CWC22: variants seen among roughly 807,000 people sequenced by gnomAD.
The protein encoded by CWC22 is CWC22 spliceosome associated protein.
CWC22 carries 53 observed loss-of-function variants against 117.2 expected under a neutral mutation model. The observed-to-expected ratio is 0.45, with a 90% CI of 0.36 to 0.57. CWC22 has a LOEUF of 0.57. Ranked by LOEUF, CWC22 falls within the 20% of genes least tolerant of loss-of-function variation. The pLI is 0.00. For synonymous variants in CWC22, 360 were observed against 355.6 expected (o/e 1.01, Z -0.14); for missense variants, 980 against 1,068.8 (o/e 0.92, Z 1.16).
At chr2:180,005,448 G>C (rs946632136) in intron 1 of CWC22, among the ~76,000 whole-genome samples, 101 of 152,082 alleles carry the variant, frequency 6.6e-4, no homozygotes, top group African/African-American at 2.0e-3. Flanking sequence ...GTGGTGGCGG[G>C]CACCTTAGTC....
At chr2:180,001,287 T>C (rs767945899) in intron 1 of CWC22, among the ~76,000 whole-genome samples, 1 of 152,120 alleles carries the variant, frequency 6.6e-6, no homozygotes, top group Non-Finnish European at 1.5e-5. Flanking sequence ...CACAGCTATT[T>C]TGTGATATGT....
chr2:179,977,222 T>C (rs961552006), intron 6 of CWC22, among the ~76,000 whole-genome samples: 5 of 152,146 alleles, frequency 3.3e-5, no homozygotes, highest in African/African-American at 7.2e-5. Context: ...AATCCCACTA[T>C]TGGGTATATA....
chr2:179,984,211 C>T (rs1303418628), intron 4 of CWC22, among the ~76,000 whole-genome samples: 2 of 152,096 alleles, frequency 1.3e-5, no homozygotes, highest in African/African-American at 4.8e-5. Context: ...GTTTCAACAT[C>T]TACCAGATGT....
rs1559288848 is a variant in CWC22, at chr2:179,965,885, A to ATCTTCTTCTCCCTCTTCC, written c.1290_1307dup (p.Glu430_Glu435dup). 1 of 1,515,634 alleles carries ATCTTCTTCTCCCTCTTCC rather than the reference A, an allele frequency of 6.6e-7. No homozygotes were observed. Among genetic ancestry groups the ATCTTCTTCTCCCTCTTCC allele is most frequent in the Non-Finnish European group, 9.2e-7 (1 of 1,091,274 alleles). 93.9% of individuals were successfully genotyped at this position (1,515,634 alleles called of 1,614,324 possible). A position where few individuals can be genotyped will look rare whatever the true frequency, so the allele number is the denominator to read the frequency against. ...AATATGCTACATGTTTACCTTCTTCATCTTCTTCTCCCTCTTCCTCTTCTT... is the reference window on the plus strand; with the variant it reads ...AATATGCTACATGTTTACCTTCTTCATCTTCTTCTCCCTCTTCCTCTTCTTCTCCCTCTTCCTCTTCTT... On this transcript the variant is annotated inframe_insertion, in exon 12 of 20. Transcript: ENST00000410053.
chr2:179,982,842 C>T (rs894435555), intron 4 of CWC22, among the ~76,000 whole-genome samples: 1 of 152,140 alleles, frequency 6.6e-6, no homozygotes, highest in African/African-American at 2.4e-5. Flanking sequence ...ATCCACTGAG[C>T]TGCTTTTTAC....
chr2:179,955,059 A>G (rs1013872178), intron 14 of CWC22, 25 bp from the exon 15 acceptor site: 3 of 1,465,456 alleles, frequency 2.0e-6, no homozygotes, highest in African/African-American at 2.8e-5. Flanking sequence ...AAATACATTA[A>G]TGATTCAAAA....
chr2:179,995,944 G>A (rs867246772), intron 1 of CWC22, among the ~76,000 whole-genome samples: 9 of 152,292 alleles, frequency 5.9e-5, no homozygotes, highest in East Asian at 1.9e-4. Flanking sequence ...AGTCAGTGGA[G>A]GGGAACCCCA....
At chr2:179,950,795 C>G (rs1686427524) in intron 18 of CWC22, 30 bp downstream of exon 18, 1 of 1,600,014 alleles carries the variant, frequency 6.2e-7, no homozygotes, top group Non-Finnish European at 8.6e-7. Flanking sequence ...ATTTTATAAT[C>G]TGAACATAAA....
At chr2:179,996,349 A>G (rs1264208699) in intron 1 of CWC22, among the ~76,000 whole-genome samples, 1 of 152,176 alleles carries the variant, frequency 6.6e-6, no homozygotes, top group African/African-American at 2.4e-5. Context: ...ATTTCAGCCA[A>G]GAGAAACGAT....
At chr2:179,958,456 G>A (rs1196422527) in intron 14 of CWC22, among the ~76,000 whole-genome samples, 8 of 151,466 alleles carry the variant, frequency 5.3e-5, no homozygotes, top group African/African-American at 1.2e-4. Context: ...TCACAAGCTC[G>A]CCCAACCTGT....
At chr2:179,959,753 A>G (rs1169075102) in intron 13 of CWC22, among the ~76,000 whole-genome samples, 1 of 152,048 alleles carries the variant, frequency 6.6e-6, no homozygotes, top group African/African-American at 2.4e-5. Flanking sequence ...AAACATAGAA[A>G]AGGTTTAGTA....
rs560610131 is a variant in CWC22 at position 179,990,617 on chromosome 2, G to A, written c.28-1973C>T. Among the ~76,000 whole-genome samples, 8 of 152,098 alleles carry A rather than the reference G, an allele frequency of 5.3e-5. No individual in the cohort carries two copies. In the South Asian group the frequency reaches 1.7e-3, roughly 32 times the overall value. On this transcript the variant is annotated intron_variant, in intron 2 of 19. Coordinates refer to ENST00000410053, the MANE Select transcript of CWC22 (RefSeq NM_020943.3). The stretch of plus-strand genomic sequence containing the variant: ...GGGGCAGGGAGAGGAGAGAGGAGAA[G>A]ACAGAGGACAATAAAACTGCATTAT...
At chr2:179,957,881 A>G (rs1392041085) in intron 14 of CWC22, among the ~76,000 whole-genome samples, 1 of 152,110 alleles carries the variant, frequency 6.6e-6, no homozygotes, top group Non-Finnish European at 1.5e-5. Context: ...TTATCTACTT[A>G]ATCTGATCTT....
chr2:179,945,265 G>C lies in CWC22; in HGVS notation c.2591C>G (p.Ser864Ter). The C allele has an allele frequency of 6.2e-7, 1 of 1,613,538 alleles. No individual in the cohort carries two copies. Among genetic ancestry groups the C allele is most frequent in the Admixed American group, 1.7e-5 (1 of 59,994 alleles). The change falls in exon 20 of 20, where the codon TCA (serine) becomes TGA (stop). Residue 864 changes from serine (S) to a stop codon, truncating the protein, a stop_gained. Coordinates refer to ENST00000410053, the MANE Select transcript of CWC22 (RefSeq NM_020943.3). LOFTEE classifies it high-confidence loss of function. Reference sequence around the variant, plus strand: ...TTGATATCTATCTTCATCACTTCTTGAGCCTGAGTGCTTTCTATTCATTTC... The same window carrying C: ...TTGATATCTATCTTCATCACTTCTTCAGCCTGAGTGCTTTCTATTCATTTC... ...SKEMNRKHSG[S>*]RSDEDRYQNG...
At chr2:179,998,926 T>C (rs542549674) in intron 1 of CWC22, among the ~76,000 whole-genome samples, 1 of 152,314 alleles carries the variant, frequency 6.6e-6, no homozygotes, top group South Asian at 2.1e-4. Context: ...AAGCAATTTC[T>C]GTGCATTTTA....
At chr2:179,988,281 G>A (rs17779612) in intron 3 of CWC22, among the ~76,000 whole-genome samples, 22,284 of 152,086 alleles carry the variant, frequency 0.15, 2,015 homozygotes, top group Admixed American at 0.29. Flanking sequence ...CAGCACTTCT[G>A]AATACTGTAA....
chr2:179,979,523 G>A lies in CWC22; in HGVS notation c.453-1205C>T, dbSNP rs1277161030. On this transcript the variant is annotated intron_variant, in intron 5 of 19. Transcript: ENST00000410053. Reference sequence around the variant, plus strand: ...TCATGGACCTCTTGAGGGGCTTGTAGGTTAAGAATCCCTGTTCTGGAGTGG... The same window carrying A: ...TCATGGACCTCTTGAGGGGCTTGTAAGTTAAGAATCCCTGTTCTGGAGTGG... Among the ~76,000 whole-genome samples the A allele has an allele frequency of 2.0e-5, 3 of 152,264 alleles. No individual in the cohort carries two copies. The East Asian group carries it at 5.8e-4, about 29-fold the overall frequency.
At position 179,955,044 on chromosome 2, in the gene CWC22, A is replaced by G. The variant is rs200509255; in HGVS notation, c.1459-10T>C. 3,296 of 1,543,982 alleles carry G rather than the reference A, an allele frequency of 2.1e-3. 6 individuals are homozygous for G. The highest frequency in any genetic ancestry group is 2.7e-3 in the Non-Finnish European group (3,035 of 1,128,936). ...TGTTGCAGAGTTCTTTCTATTTGGG[A>G]AAAAAAATACATTAATGATTCAAAA... is the stretch of plus-strand genomic sequence containing the variant. On this transcript the variant is annotated splice_polypyrimidine_tract_variant and intron_variant, in intron 14 of 19. Transcript: ENST00000410053.
rs539996801 is a variant in CWC22 at position 179,975,878 on chromosome 2, C to T, written c.582-2076G>A. On this transcript the variant is annotated intron_variant, in intron 6 of 19. Transcript: ENST00000410053. Reference sequence around the variant, plus strand: ...TCAATCCCTATCAAAATTCCAGTTACGTTTTTCACAGAAATAGAAAAAACA... The same window carrying T: ...TCAATCCCTATCAAAATTCCAGTTATGTTTTTCACAGAAATAGAAAAAACA... Among the ~76,000 whole-genome samples, 9 of 152,248 alleles carry T rather than the reference C, an allele frequency of 5.9e-5. No individual in the cohort carries two copies. The East Asian group carries it at 7.7e-4, about 13-fold the overall frequency.
Sources: allele counts gnomAD v4.1 joint callset (sites outside exome capture counted in the v4.1 genomes callset), GRCh38; gene constraint gnomAD v4.1.1; transcripts MANE v1.5; gene names NCBI Gene and HGNC (gene_info 2026-07-23, HGNC 2026-07-21).